The following AKR1C3 variants were observed in gnomAD, a reference collection of about 807,000 sequenced individuals.
The protein encoded by AKR1C3 is aldo-keto reductase family 1 member C3, also known as 3-alpha hydroxysteroid dehydrogenase, type II.
AKR1C3 carries 48 observed loss-of-function variants against 43.6 expected under a neutral mutation model. That is an observed-to-expected ratio of 1.10 (90% CI 0.87 to 1.40). The LOEUF is 1.40. Among genes scored for constraint, AKR1C3 ranks in the 40% most tolerant of loss-of-function variants. The probability of loss-of-function intolerance (pLI) is 0.00; values close to 1 mark genes in which losing one functional copy is unlikely to be tolerated. For missense variants in AKR1C3, 482 were observed against 391.2 expected, an observed-to-expected ratio of 1.23 and a Z score of -1.96; for synonymous variants, 162 against 139.6, an observed-to-expected ratio of 1.16 and a Z score of -1.13.
Position 5,094,455 on chromosome 10 carries a change from A to C in AKR1C3, c.11A>C (p.Lys4Thr). Reference sequence around the variant, plus strand: ...GACAAGTGACAGGGAATGGATTCCAAACACCAGTGTGTAAAGCTAAATGAT... The same window carrying C: ...GACAAGTGACAGGGAATGGATTCCACACACCAGTGTGTAAAGCTAAATGAT... MDS[K>T]HQCVKLNDGH... The change falls in exon 1 of 9, where the codon AAA (lysine) becomes ACA (threonine). Residue 4 changes from lysine (K) to threonine (T), a missense_variant. Coordinates refer to ENST00000380554, the MANE Select transcript of AKR1C3 (RefSeq NM_003739.6). The C allele has an allele frequency of 6.2e-7, 1 of 1,612,658 alleles. No homozygotes were observed. Among genetic ancestry groups the C allele is most frequent in the Non-Finnish European group, 8.5e-7 (1 of 1,178,878 alleles).
chr10:5,091,526 GT>G (rs1554784170), upstream of AKR1C3, among the ~76,000 whole-genome samples: 5 of 151,936 alleles, frequency 3.3e-5, no homozygotes, highest in South Asian at 2.1e-4. Context: ...AATTAACAAT[GT>G]TTTTTGTGTA....
At chr10:5,058,805 C>A (rs1838317521) in intron 1 of AKR1C3, among the ~76,000 whole-genome samples, 1 of 152,106 alleles carries the variant, frequency 6.6e-6, no homozygotes, top group African/African-American at 2.4e-5. Flanking sequence ...AAAACCTGCA[C>A]CCTTGCCTGT....
At chr10:5,066,101 C>T (rs1554780770) in intron 1 of AKR1C3, among the ~76,000 whole-genome samples, 1 of 152,168 alleles carries the variant, frequency 6.6e-6, no homozygotes, top group East Asian at 1.9e-4. Context: ...TGGGTTAAAA[C>T]ATTTATTGGG....
intron 1 of AKR1C3, among the ~76,000 whole-genome samples, chr10:5,053,227 C>T (rs1301738335): frequency 2.0e-5 from 3 of 152,242 alleles, no homozygotes; most frequent in African/African-American, 7.2e-5. Flanking sequence ...TCCAGCCACA[C>T]AGGAGCCCAC....
intron 1 of AKR1C3, among the ~76,000 whole-genome samples, chr10:5,084,590 G>A (rs1838920026): frequency 6.6e-6 from 1 of 152,118 alleles, no homozygotes; most frequent in African/African-American, 2.4e-5. Flanking sequence ...GAACTTTAAA[G>A]TAGTTTTTTC....
chr10:5,092,505 G>A (rs1554784417), upstream of AKR1C3, among the ~76,000 whole-genome samples: 1 of 139,854 alleles, frequency 7.2e-6, no homozygotes, highest in East Asian at 2.1e-4. Flanking sequence ...TTTTGCCTTA[G>A]ACTCAAGGAT....
intron 5 of AKR1C3, among the ~76,000 whole-genome samples, chr10:5,101,563 A>G (rs1554785981): frequency 6.6e-6 from 1 of 152,132 alleles, no homozygotes; most frequent in African/African-American, 2.4e-5. Context: ...TTGCTCTCTG[A>G]TTATCTCACT....
chr10:5,099,267 C>G (rs1215288574), intron 4 of AKR1C3, 60 bp from the exon 5 acceptor site: 2 of 1,610,844 alleles, frequency 1.2e-6, no homozygotes, highest in Non-Finnish European at 1.7e-6. Context: ...TTCTGTCTTG[C>G]ATTTACCGTG....
intron 1 of AKR1C3, among the ~76,000 whole-genome samples, chr10:5,085,802 G>T (rs183956441): frequency 6.6e-6 from 1 of 151,878 alleles, no homozygotes; most frequent in Non-Finnish European, 1.5e-5. Flanking sequence ...GTTTAGTCTT[G>T]GGAGGATGTA....
intron 1 of AKR1C3, chr10:5,077,621 C>G (rs1469721187): frequency 1.6e-5 from 16 of 1,028,290 alleles, no homozygotes; most frequent in Non-Finnish European, 1.9e-5. Context: ...GCTTGCCTGT[C>G]TGGGCAAGGA....
intron 1 of AKR1C3, among the ~76,000 whole-genome samples, chr10:5,061,475 A>G (rs1343065220): frequency 6.6e-6 from 1 of 152,144 alleles, no homozygotes; most frequent in Non-Finnish European, 1.5e-5. Context: ...GTGAGGAGGG[A>G]GGGCACACAG....
chr10:5,082,676 G>A (rs1320008486), intron 1 of AKR1C3, among the ~76,000 whole-genome samples: 1 of 152,134 alleles, frequency 6.6e-6, no homozygotes, highest in Non-Finnish European at 1.5e-5. Context: ...TCTTTTTGAT[G>A]TGCTATTGGA....
At chr10:5,090,804 AAAG>A (rs1448483350), upstream of AKR1C3, among the ~76,000 whole-genome samples, 2 of 152,168 alleles carry the variant, frequency 1.3e-5, no homozygotes, top group Admixed American at 1.3e-4. Context: ...ATGTATGAGG[AAAG>A]AAGACTGATG....
At chr10:5,085,727 C>T (rs1280708422) in intron 1 of AKR1C3, among the ~76,000 whole-genome samples, 2 of 151,778 alleles carry the variant, frequency 1.3e-5, no homozygotes, top group Non-Finnish European at 1.5e-5. Flanking sequence ...GGTTGGTAAG[C>T]TATTGATTAT....
At chr10:5,087,278 C>T (rs1295574830) in intron 1 of AKR1C3, among the ~76,000 whole-genome samples, 1 of 151,608 alleles carries the variant, frequency 6.6e-6, no homozygotes, top group Non-Finnish European at 1.5e-5. Context: ...GACAAAGTCT[C>T]TATATTTTCT....
At chr10:5,066,594 G>GT (rs1838507665) in intron 1 of AKR1C3, among the ~76,000 whole-genome samples, 2 of 152,284 alleles carry the variant, frequency 1.3e-5, no homozygotes, top group Non-Finnish European at 2.9e-5. Flanking sequence ...ACTATTGGGA[G>GT]CATAATACCT....
intron 1 of AKR1C3, among the ~76,000 whole-genome samples, chr10:5,084,244 G>A (rs4880705): frequency 0.84 from 127,700 of 151,478 alleles, 53,853 homozygotes; most frequent in Middle Eastern, 0.91. Flanking sequence ...ATCTTGAATT[G>A]ATTTTTGTAT....
intron 1 of AKR1C3, among the ~76,000 whole-genome samples, chr10:5,058,291 C>T (rs573772152): frequency 6.6e-6 from 1 of 152,264 alleles, no homozygotes; most frequent in East Asian, 1.9e-4. Context: ...AGGTATTTCA[C>T]TCCATTTGCC....
At chr10:5,103,294 A>G (rs587633012) in intron 7 of AKR1C3, among the ~76,000 whole-genome samples, 3 of 151,930 alleles carry the variant, frequency 2.0e-5, no homozygotes, top group South Asian at 2.1e-4. Context: ...AAAATTTCAC[A>G]TATTTATTCA....
Sources: gnomAD v4.1 joint callset for allele counts (sites outside exome capture counted in the v4.1 genomes callset) on GRCh38, gnomAD v4.1.1 for gene constraint, MANE v1.5 for transcripts, NCBI Gene and HGNC (gene_info 2026-07-23, HGNC 2026-07-21) for gene names.